Variants in DMBT1 observed in about 807,000 individuals in gnomAD.
DMBT1 encodes scavenger receptor cysteine-rich domain-containing protein DMBT1.
In DMBT1, 198 loss-of-function variants were observed where a neutral mutation model predicts 252.9. The observed-to-expected ratio is 0.78, with a 90% CI of 0.70 to 0.88. The LOEUF is 0.88. Ranked by LOEUF, DMBT1 falls within the 40% of genes least tolerant of loss-of-function variation. The probability of loss-of-function intolerance (pLI) is 0.00; values close to 1 mark genes in which losing one functional copy is unlikely to be tolerated. For synonymous variants in DMBT1, 990 were observed against 942.7 expected, an observed-to-expected ratio of 1.05 and a Z score of -0.92; for missense variants, 2,432 against 2,404.7, an observed-to-expected ratio of 1.01 and a Z score of -0.24.
At chr10:122,618,426 C>G (rs753698036) in intron 41 of DMBT1, 86 bp downstream of exon 41, 2 of 1,596,570 alleles carry the variant, frequency 1.3e-6, no homozygotes, top group Non-Finnish European at 1.7e-6. Flanking sequence ...TCTCCTCACT[C>G]AAAGCTTTTT....
chr10:122,573,635 T>C, intron 5 of DMBT1, 80 bp from the exon 6 acceptor site: 1 of 1,536,318 alleles, frequency 6.5e-7, no homozygotes, highest in Non-Finnish European at 9.0e-7. Context: ...AGCCCTTGCT[T>C]CAGAGCTGAG....
chr10:122,580,695 C>T (rs1034268064), intron 10 of DMBT1, among the ~76,000 whole-genome samples, 171 bp from the exon 11 acceptor site: 3 of 152,188 alleles, frequency 2.0e-5, no homozygotes, highest in African/African-American at 7.2e-5. Context: ...TCTGCCTCGA[C>T]CCCTTACACG....
At chr10:122,568,685 A>C (rs2133515415) in intron 2 of DMBT1, among the ~76,000 whole-genome samples, 1 of 152,318 alleles carries the variant, frequency 6.6e-6, no homozygotes, top group Non-Finnish European at 1.5e-5. Context: ...ATGTGTGATG[A>C]CAGCTGGGAC....
chr10:122,617,211 T>G lies in DMBT1; in HGVS notation c.4859-17T>G. On this transcript the variant is annotated splice_polypyrimidine_tract_variant and intron_variant, in intron 39 of 55. Transcript: ENST00000338354. ...TTCAAGTCTAATTCTGTCTTTTTTC[T>G]TTGTTGCTATTTACAGACACTTGGC... 1 of 1,608,580 alleles carries G rather than the reference T, an allele frequency of 6.2e-7. No individual in the cohort carries two copies. The highest frequency in any genetic ancestry group is 8.5e-7 in the Non-Finnish European group (1 of 1,178,158).
chr10:122,562,135 C>A (rs1417128749), intron 1 of DMBT1, among the ~76,000 whole-genome samples: 2 of 151,834 alleles, frequency 1.3e-5, no homozygotes, highest in African/African-American at 4.8e-5. Flanking sequence ...CCTTCCATCC[C>A]TTTTTCTTTC....
At chr10:122,626,168 T>G (rs2098117608) in intron 46 of DMBT1, among the ~76,000 whole-genome samples, 1 of 152,222 alleles carries the variant, frequency 6.6e-6, no homozygotes, top group African/African-American at 2.4e-5. Flanking sequence ...GCTTTTATTT[T>G]GGGGGGTATC....
chr10:122,586,881 A>G (rs1269683897), intron 16 of DMBT1, among the ~76,000 whole-genome samples: 1 of 148,148 alleles, frequency 6.8e-6, no homozygotes, highest in East Asian at 2.1e-4. Flanking sequence ...ATGGCAGAAG[A>G]AGATGGGGAG....
chr10:122,591,675 G>A lies in DMBT1; in HGVS notation c.2176+158G>A, dbSNP rs548911559. 1.5e-4 allele frequency among the ~76,000 whole-genome samples: 23 copies of A among 148,422 alleles called. No homozygotes were observed. The South Asian group carries it at 5.0e-3, about 32-fold the overall frequency. Reference sequence around the variant, plus strand: ...GTTGAGTCTCTGGGGAACCAGTCCCGGGTCGGGTGTTAGAGGGTGGAGGGT... The same window carrying A: ...GTTGAGTCTCTGGGGAACCAGTCCCAGGTCGGGTGTTAGAGGGTGGAGGGT... On this transcript the variant is annotated intron_variant, in intron 19 of 55. Coordinates refer to ENST00000338354, the MANE Select transcript of DMBT1 (RefSeq NM_001377530.1).
chr10:122,637,343 A>G (rs2098235053), intron 54 of DMBT1, 31 bp downstream of exon 54: 2 of 1,563,044 alleles, frequency 1.3e-6, no homozygotes, highest in Non-Finnish European at 8.7e-7. Context: ...TCCATTTCCC[A>G]GTGCACAAGC....
chr10:122,585,367 T>G, intron 15 of DMBT1, 58 bp downstream of exon 15: 1 of 1,550,400 alleles, frequency 6.4e-7, no homozygotes, highest in Non-Finnish European at 8.8e-7. Flanking sequence ...ACAAATGTTT[T>G]TTTCTGAAAT....
chr10:122,591,448 T>C, intron 18 of DMBT1, 31 bp from the exon 19 acceptor site: 1 of 1,578,976 alleles, frequency 6.3e-7, no homozygotes, highest in Non-Finnish European at 8.6e-7. Flanking sequence ...TCAACTTTAA[T>C]TCTAGCCTTT....
rs7096509 is a variant in DMBT1 at position 122,619,699 on chromosome 10, T to C, written c.5245+362T>C. 7.1e-3 allele frequency among the ~76,000 whole-genome samples: 1,086 copies of C among 152,328 alleles called. 14 individuals carry two copies. The highest frequency in any genetic ancestry group is 0.025 in the African/African-American group (1,040 of 41,572). ...CTGCCAAAGTCACCTGGGAAGGCAA[T>C]GTCAGTTCAAGCCTTAAACATGACT... On this transcript the variant is annotated intron_variant, in intron 42 of 55. Coordinates refer to ENST00000338354, the MANE Select transcript of DMBT1 (RefSeq NM_001377530.1).
chr10:122,620,187 G>A (rs1215606045), intron 42 of DMBT1, 66 bp from the exon 43 acceptor site: 21 of 1,537,242 alleles, frequency 1.4e-5, no homozygotes, highest in Non-Finnish European at 1.7e-5. Flanking sequence ...CTGGTTCAGA[G>A]ATTTTTTTTT....
chr10:122,599,439 C>T (rs112243137), intron 26 of DMBT1, among the ~76,000 whole-genome samples: 12 of 152,220 alleles, frequency 7.9e-5, no homozygotes, highest in South Asian at 4.1e-4. Context: ...GACAGCAAGG[C>T]GGGGTAGGGA....
At chr10:122,573,800 C>A (rs1167206406) in intron 6 of DMBT1, 38 bp downstream of exon 6, 6 of 1,598,762 alleles carry the variant, frequency 3.8e-6, no homozygotes, top group South Asian at 2.2e-5. Context: ...AGGCTCATTA[C>A]CCCCCTGCAC....
rs780563570 is a variant in DMBT1 at position 122,640,092 on chromosome 10, G to A, written c.6995G>A (p.Gly2332Asp). 1 of 1,613,920 alleles carries A rather than the reference G, an allele frequency of 6.2e-7. No homozygotes were observed. Among genetic ancestry groups the A allele is most frequent in the Non-Finnish European group, 8.5e-7 (1 of 1,179,904 alleles). The stretch of plus-strand genomic sequence containing the variant: ...AACTTCCTCACAGCAGCTGTCTCAG[G>A]TGGCATCATCAAGAGGAGGACAGAC... ...YSNFLTAAVS[G>D]GIIKRRTDLR... is the part of the protein sequence containing the mutation. Residue 2332 changes from glycine to aspartate, a missense_variant, in exon 55 of 56, where the codon GGT becomes GAT. By Grantham distance (94) the Gly-to-Asp change is moderately conservative. This residue lies in a region of DMBT1 where 1,162 missense variants were observed against 1,169.0 expected (regional missense o/e 0.99). Transcript: ENST00000338354.
rs369469156 is a variant in DMBT1 at position 122,593,638 on chromosome 10, T to G, written c.2530+40T>G. On this transcript the variant is annotated intron_variant, in intron 21 of 55. Transcript: ENST00000338354. ...TCCTTCCTCAAAATGTCCCTTCTCT[T>G]TCTGCCCAATCACCCCTTCCACACT... The G allele has an allele frequency of 4.6e-4, 730 of 1,571,774 alleles. 18 individuals are homozygous for G. In the African/African-American group the frequency reaches 8.8e-3, roughly 19 times the overall value.
intron 26 of DMBT1, among the ~76,000 whole-genome samples, chr10:122,599,676 C>T (rs999194569): frequency 6.6e-6 from 1 of 152,180 alleles, no homozygotes. Flanking sequence ...GGGAGGGCAG[C>T]CCCCATGAGG....
chr10:122,618,484 C>G (rs1262075108), intron 41 of DMBT1, 144 bp downstream of exon 41: 2 of 1,476,192 alleles, frequency 1.4e-6, no homozygotes, highest in African/African-American at 2.8e-5. Flanking sequence ...TGCTAAGAAT[C>G]TTTATGAATT....
Sources: allele counts gnomAD v4.1 joint callset (sites outside exome capture counted in the v4.1 genomes callset), GRCh38; gene constraint gnomAD v4.1.1; regional missense constraint gnomAD v4.1.1; transcripts MANE v1.5; gene names NCBI Gene and HGNC (gene_info 2026-07-23, HGNC 2026-07-21).